LUZP2: variants seen among roughly 807,000 people sequenced by gnomAD.
The protein encoded by LUZP2 is leucine zipper protein 2.
Under a neutral mutation model 51.6 loss-of-function variants are expected in LUZP2, and 52 were observed. The ratio of observed to expected loss-of-function variants is 1.01; its 90% confidence interval spans 0.81 to 1.27. The LOEUF is 1.27. Among genes scored for constraint, LUZP2 ranks in the 50% most tolerant of loss-of-function variants. The pLI, the probability that LUZP2 is intolerant of heterozygous loss-of-function variation, is 0.00. For missense variants in LUZP2, 436 were observed against 395.4 expected (o/e 1.10, Z -0.87); for synonymous variants, 154 against 137.3 (o/e 1.12, Z -0.85).
In LUZP2 at chr11:24,732,083, T is replaced by G. The variant is rs12286199; in HGVS notation, c.181-35T>G. The G allele has an allele frequency of 3.6e-5, 55 of 1,538,186 alleles. No homozygotes were observed. In the African/African-American group the frequency reaches 5.1e-4, roughly 14 times the overall value. On this transcript the variant is annotated intron_variant, in intron 2 of 11. Transcript: ENST00000336930. The stretch of plus-strand genomic sequence containing the variant: ...TTAAAGTGAGTCTCAATTTCTCACC[T>G]GAATAAAACTTCATTTTTCCACTTT...
intron 1 of LUZP2, among the ~76,000 whole-genome samples, chr11:24,634,870 A>G (rs1274632879): frequency 6.6e-6 from 1 of 152,170 alleles, no homozygotes; most frequent in African/African-American, 2.4e-5. Context: ...TGGAACAGAT[A>G]CAGGCTTCTC....
chr11:24,638,001 G>A (rs1212017112), intron 1 of LUZP2, among the ~76,000 whole-genome samples: 3 of 151,616 alleles, frequency 2.0e-5, no homozygotes, highest in South Asian at 2.1e-4. Context: ...TGACACCTCC[G>A]AAGTCCCAGC....
chr11:25,069,687 C>T (rs1323769923), intron 10 of LUZP2, among the ~76,000 whole-genome samples: 1 of 151,768 alleles, frequency 6.6e-6, no homozygotes, highest in African/African-American at 2.4e-5. Context: ...TTTCAATATT[C>T]AGTAGTTTCA....
intron 5 of LUZP2, among the ~76,000 whole-genome samples, chr11:24,872,511 A>G (rs776294797): frequency 6.6e-6 from 1 of 152,144 alleles, no homozygotes. Context: ...GAGCATATTT[A>G]AAATGTTAAT....
In LUZP2 at chr11:24,885,166, T is replaced by C. The variant is rs78364536; in HGVS notation, c.397-20825T>C. ...AGGACTCATTAACTAGAAACTTGCCTGCAGTCTACTAAAATAATAATGCCT... is the reference window on the plus strand; with the variant it reads ...AGGACTCATTAACTAGAAACTTGCCCGCAGTCTACTAAAATAATAATGCCT... On this transcript the variant is annotated intron_variant, in intron 5 of 11. Coordinates refer to ENST00000336930, the MANE Select transcript of LUZP2 (RefSeq NM_001009909.4). Among the ~76,000 whole-genome samples, 1,023 of 152,220 alleles carry C rather than the reference T, an allele frequency of 6.7e-3. 15 individuals carry two copies. The highest frequency in any genetic ancestry group is 0.057 in the East Asian group (295 of 5,174).
chr11:24,644,486 C>A (rs1855405557), intron 1 of LUZP2, among the ~76,000 whole-genome samples: 1 of 151,878 alleles, frequency 6.6e-6, no homozygotes, highest in Non-Finnish European at 1.5e-5. Context: ...CCTTTCCAAC[C>A]TCTCTTTTTT....
chr11:24,524,788 A>G (rs1850745077), intron 1 of LUZP2, among the ~76,000 whole-genome samples: 1 of 151,724 alleles, frequency 6.6e-6, no homozygotes, highest in African/African-American at 2.4e-5. Flanking sequence ...ATTTAAATTC[A>G]TTCCAAATCA....
At chr11:24,733,683 G>A (rs1251259697) in intron 3 of LUZP2, among the ~76,000 whole-genome samples, 2 of 151,090 alleles carry the variant, frequency 1.3e-5, no homozygotes, top group South Asian at 2.1e-4. Context: ...TTGGTAAAGA[G>A]GAATAACTTA....
chr11:24,867,880 A>G (rs1287294798), intron 5 of LUZP2, among the ~76,000 whole-genome samples: 2 of 152,230 alleles, frequency 1.3e-5, no homozygotes, highest in Admixed American at 6.6e-5. Flanking sequence ...ATTTCCTAAT[A>G]TTACAACTTA....
chr11:24,814,991 C>CA lies in LUZP2; in HGVS notation c.396+51698dup, dbSNP rs61229028. On this transcript the variant is annotated intron_variant, in intron 5 of 11. Transcript: ENST00000336930. ...TGGGCGACAGAGTGAGACTCCGTCT[C>CA]AAAAAAAAAAAAAAATAAAAATAAT... Among the ~76,000 whole-genome samples, 332 of 80,044 alleles carry CA rather than the reference C, an allele frequency of 4.1e-3. 5 individuals carry two copies. The highest frequency in any genetic ancestry group is 0.016 in the African/African-American group (280 of 17,804). The allele number at this position is 80,044 out of a possible 152,430, so 52.5% of individuals were successfully genotyped here.
intron 9 of LUZP2, among the ~76,000 whole-genome samples, chr11:24,989,812 G>A (rs1470952092): frequency 1.3e-5 from 2 of 152,138 alleles, no homozygotes; most frequent in African/African-American, 2.4e-5. Flanking sequence ...TTTGACCTAC[G>A]TCATCCAACT....
chr11:24,525,030 G>A (rs1850755749), intron 1 of LUZP2, among the ~76,000 whole-genome samples: 1 of 151,490 alleles, frequency 6.6e-6, no homozygotes, highest in South Asian at 2.1e-4. Flanking sequence ...TGCCACTAAT[G>A]GATTTCTTTT....
At chr11:25,013,620 T>A (rs1343850547) in intron 9 of LUZP2, among the ~76,000 whole-genome samples, 2 of 152,148 alleles carry the variant, frequency 1.3e-5, no homozygotes, top group African/African-American at 4.8e-5. Flanking sequence ...TGAGATAAAC[T>A]ATTATTTTAA....
chr11:24,517,232 C>T (rs112593215), intron 1 of LUZP2, among the ~76,000 whole-genome samples: 14,935 of 151,692 alleles, frequency 0.098, 1,095 homozygotes, highest in African/African-American at 0.21. Context: ...ACGCCTGTAA[C>T]CCCAGCACTT....
At chr11:24,527,565 T>TCACA (rs1487134915) in intron 1 of LUZP2, among the ~76,000 whole-genome samples, 96 of 124,752 alleles carry the variant, frequency 7.7e-4, no homozygotes, top group Admixed American at 1.2e-3. Context: ...TCTCTCTCTC[T>TCACA]CTCACACACA....
intron 1 of LUZP2, among the ~76,000 whole-genome samples, chr11:24,507,777 G>T (rs569571631): frequency 6.6e-6 from 1 of 151,934 alleles, no homozygotes; most frequent in Non-Finnish European, 1.5e-5. Context: ...TAATATTTAC[G>T]TGGTAAAAAT....
chr11:24,742,355 C>T (rs1859214422), intron 4 of LUZP2, among the ~76,000 whole-genome samples: 2 of 151,924 alleles, frequency 1.3e-5, no homozygotes, highest in African/African-American at 2.4e-5. Context: ...GCATTTATGC[C>T]AACATCTACA....
chr11:25,077,953 G>A (rs1405306355), intron 11 of LUZP2, among the ~76,000 whole-genome samples: 1 of 152,130 alleles, frequency 6.6e-6, no homozygotes, highest in African/African-American at 2.4e-5. Flanking sequence ...CTCTCAGAAG[G>A]TCAAGGGTGA....
chr11:25,047,475 G>A (rs567644778), intron 9 of LUZP2, among the ~76,000 whole-genome samples: 2 of 150,480 alleles, frequency 1.3e-5, no homozygotes, highest in South Asian at 4.2e-4. Context: ...TAGGAGTTGC[G>A]AGTGCTTTAA....
Sources: gnomAD v4.1 joint callset for allele counts (sites outside exome capture counted in the v4.1 genomes callset) on GRCh38, gnomAD v4.1.1 for gene constraint, MANE v1.5 for transcripts, NCBI Gene and HGNC (gene_info 2026-07-23, HGNC 2026-07-21) for gene names.